Variants in CSMD1 observed in about 807,000 individuals in gnomAD.
CSMD1 encodes CUB and Sushi multiple domains 1, also known as CUB and sushi domain-containing protein 1.
A neutral mutation model predicts 417.5 loss-of-function variants in CSMD1; 213 were observed. The observed-to-expected ratio is 0.51, with a 90% confidence interval of 0.46 to 0.57. The LOEUF (loss-of-function observed/expected upper bound fraction) is 0.57. Among genes scored for constraint, CSMD1 ranks in the 20% least tolerant of loss-of-function variants. The pLI is 0.00. For missense variants in CSMD1, 6,923 were observed against 4,529.7 expected, an observed-to-expected ratio of 1.53 and a Z score of -15.17; for synonymous variants, 2,862 against 1,736.8, an observed-to-expected ratio of 1.65 and a Z score of -16.11.
At chr8:3,556,393 A>T (rs11991743) in intron 10 of CSMD1, among the ~76,000 whole-genome samples, 32 of 62,218 alleles carry the variant, frequency 5.1e-4, no homozygotes, top group African/African-American at 4.8e-3. Context: ...ATAATAATTA[A>T]TATATATATA....
chr8:2,951,065 G>T (rs757323954), intron 66 of CSMD1, 49 bp downstream of exon 66: 41 of 1,565,120 alleles, frequency 2.6e-5, no homozygotes, highest in Non-Finnish European at 3.3e-5. Context: ...AAAGATAACA[G>T]GTCTATTTCT....
chr8:4,873,043 T>C (rs1261223511), intron 1 of CSMD1, among the ~76,000 whole-genome samples: 1 of 152,106 alleles, frequency 6.6e-6, no homozygotes, highest in Non-Finnish European at 1.5e-5. Flanking sequence ...CCACAAATCG[T>C]ATATATTTAA....
chr8:3,977,516 A>G (rs1390262647), intron 5 of CSMD1, among the ~76,000 whole-genome samples: 1 of 152,202 alleles, frequency 6.6e-6, no homozygotes, highest in Non-Finnish European at 1.5e-5. Context: ...ATTTGCTTTG[A>G]CAGTTTTGGA....
At chr8:4,405,227 G>C (rs1012206738) in intron 3 of CSMD1, among the ~76,000 whole-genome samples, 2 of 152,128 alleles carry the variant, frequency 1.3e-5, no homozygotes, top group Non-Finnish European at 1.5e-5. Context: ...CCGTGGTTTT[G>C]CATCAATGGA....
intron 10 of CSMD1, among the ~76,000 whole-genome samples, chr8:3,513,682 A>G (rs151281203): frequency 2.7e-4 from 41 of 152,294 alleles, no homozygotes; most frequent in African/African-American, 9.1e-4. Flanking sequence ...CAGGTCCACA[A>G]AATATAGACA....
At chr8:3,320,909 A>C (rs10106558) in intron 23 of CSMD1, among the ~76,000 whole-genome samples, 37,298 of 152,074 alleles carry the variant, frequency 0.25, 4,746 homozygotes, top group Admixed American at 0.29. Flanking sequence ...CACCTCACTG[A>C]CCGTAAAGCG....
At chr8:3,523,258 G>A (rs1303260840) in intron 10 of CSMD1, among the ~76,000 whole-genome samples, 3 of 152,034 alleles carry the variant, frequency 2.0e-5, no homozygotes, top group South Asian at 4.2e-4. Flanking sequence ...TACCATATAG[G>A]ATTTAAAATA....
intron 5 of CSMD1, among the ~76,000 whole-genome samples, chr8:3,847,709 G>C (rs1463869694): frequency 1.3e-5 from 2 of 152,052 alleles, no homozygotes; most frequent in Non-Finnish European, 1.5e-5. Context: ...AATACAGAAT[G>C]CTTCCTTATA....
rs141851171 is a variant in CSMD1, at chr8:4,200,668, C to G, written c.416-168569G>C. ...ACTAAGAGTTCAAGACCACCCTGGGCAAGGTAGGAAGACCGCACCTCTACA... is the reference window on the plus strand; with the variant it reads ...ACTAAGAGTTCAAGACCACCCTGGGGAAGGTAGGAAGACCGCACCTCTACA... On this transcript the variant is annotated intron_variant, in intron 3 of 69. Coordinates refer to ENST00000635120, the MANE Select transcript of CSMD1 (RefSeq NM_033225.6). Among the ~76,000 whole-genome samples, 4 of 152,148 alleles carry G rather than the reference C, an allele frequency of 2.6e-5. No homozygotes were observed. In the East Asian group the frequency reaches 7.8e-4, roughly 30 times the overall value.
intron 26 of CSMD1, among the ~76,000 whole-genome samples, chr8:3,268,040 G>A (rs753039536): frequency 2.0e-5 from 3 of 152,182 alleles, no homozygotes; most frequent in East Asian, 1.9e-4. Flanking sequence ...GTTTTATGAG[G>A]GACGGGCCAA....
intron 26 of CSMD1, among the ~76,000 whole-genome samples, chr8:3,244,358 T>C (rs1359478755): frequency 6.6e-6 from 1 of 152,200 alleles, no homozygotes; most frequent in African/African-American, 2.4e-5. Context: ...CTCTTAGTTA[T>C]GCAAACCTAG....
intron 5 of CSMD1, among the ~76,000 whole-genome samples, chr8:3,970,194 C>T (rs1375200893): frequency 2.6e-5 from 4 of 151,842 alleles, no homozygotes; most frequent in African/African-American, 9.7e-5. Context: ...GAACAAGGGA[C>T]TTTCTTTTAC....
chr8:4,941,001 C>T (rs985159233), intron 1 of CSMD1, among the ~76,000 whole-genome samples: 3 of 151,230 alleles, frequency 2.0e-5, no homozygotes, highest in Admixed American at 6.6e-5. Context: ...CAAGAAAGAG[C>T]GATTAATTTT....
rs868469580 is a variant in CSMD1 at position 4,788,173 on chromosome 8, G to T, written c.86-150615C>A. On this transcript the variant is annotated intron_variant, in intron 1 of 69. Transcript: ENST00000635120. The stretch of plus-strand genomic sequence containing the variant: ...CACTGTGAAAAAATCAAGAAGGCCT[G>T]TGGAAATTTTGGCATTCCATGTGAA... 3 of 1,597,132 alleles carry T rather than the reference G, an allele frequency of 1.9e-6. No individual in the cohort carries two copies. In the Admixed American group the frequency reaches 5.1e-5, roughly 27 times the overall value.
intron 11 of CSMD1, among the ~76,000 whole-genome samples, chr8:3,476,605 C>T (rs1463433684): frequency 6.6e-6 from 1 of 152,028 alleles, no homozygotes; most frequent in Non-Finnish European, 1.5e-5. Context: ...CATTCTCACA[C>T]CCCAAAATTA....
intron 3 of CSMD1, among the ~76,000 whole-genome samples, chr8:4,032,918 C>A (rs758327965): frequency 6.6e-6 from 1 of 152,106 alleles, no homozygotes; most frequent in Non-Finnish European, 1.5e-5. Flanking sequence ...CCTCATTATA[C>A]TCTCTTCCCT....
At chr8:4,496,372 T>C (rs1295841423) in intron 2 of CSMD1, among the ~76,000 whole-genome samples, 3 of 152,112 alleles carry the variant, frequency 2.0e-5, no homozygotes, top group Admixed American at 1.3e-4. Context: ...CAGGAGTCCA[T>C]CCTGACAGGG....
chr8:4,588,277 A>C (rs974162249), intron 2 of CSMD1, among the ~76,000 whole-genome samples: 7 of 152,048 alleles, frequency 4.6e-5, no homozygotes, highest in African/African-American at 1.7e-4. Flanking sequence ...GATTCCATTA[A>C]ATGCTGATAC....
At chr8:3,965,740 C>A (rs1282807446) in intron 5 of CSMD1, among the ~76,000 whole-genome samples, 1 of 152,110 alleles carries the variant, frequency 6.6e-6, no homozygotes, top group Admixed American at 6.5e-5. Flanking sequence ...GCCTCAGCCT[C>A]CCGAGTAGCT....
Sources: allele counts gnomAD v4.1 joint callset (sites outside exome capture counted in the v4.1 genomes callset), GRCh38; gene constraint gnomAD v4.1.1; transcripts MANE v1.5; gene names NCBI Gene and HGNC (gene_info 2026-07-23, HGNC 2026-07-21).